Variants in CTSL observed in about 807,000 individuals in gnomAD.
The protein encoded by CTSL is cathepsin L, also known as procathepsin L.
A neutral mutation model predicts 34.7 loss-of-function variants in CTSL; 23 were observed. That is an observed-to-expected ratio of 0.66 (90% confidence interval 0.48 to 0.94). The LOEUF (loss-of-function observed/expected upper bound fraction) is 0.94. CTSL is among the 40% of genes least tolerant of loss of function. CTSL has a pLI of 0.00. For synonymous variants in CTSL, 129 were observed against 136.7 expected (o/e 0.94, Z 0.39); for missense variants, 361 against 406.3 (o/e 0.89, Z 0.96).
chr9:87,730,273 G>C (rs1826206973), intron 6 of CTSL, 108 bp from the exon 7 acceptor site: 1 of 631,650 alleles, frequency 1.6e-6, no homozygotes, highest in Non-Finnish European at 2.7e-6. Flanking sequence ...TGGAATGTGT[G>C]TCACTTCACT....
Position 87,727,977 on chromosome 9 carries a change from G to T in CTSL, c.127-50G>T, listed in dbSNP as rs368165086. The stretch of plus-strand genomic sequence containing the variant: ...CTGCAGATTCACTTGGTGAGGATGA[G>T]TTGGGTTTTAGGTAGAAGTAAAGAG... On this transcript the variant is annotated intron_variant, in intron 2 of 7. Coordinates refer to ENST00000343150, the MANE Select transcript of CTSL (RefSeq NM_001912.5). The T allele has an allele frequency of 2.5e-6, 4 of 1,607,938 alleles. No homozygotes were observed. The African/African-American group carries it at 5.3e-5, about 21-fold the overall frequency.
At position 87,729,558 on chromosome 9, in the gene CTSL, C is replaced by T; in HGVS notation, c.622-15C>T. On this transcript the variant is annotated splice_polypyrimidine_tract_variant and intron_variant, in intron 5 of 7. Coordinates refer to ENST00000343150, the MANE Select transcript of CTSL (RefSeq NM_001912.5). Reference sequence around the variant, plus strand: ...AGCAGTAATCAAGTCTTTTTTTTCCCTTTACCTTTGAAAGGAAGAATCCTG... The same window carrying T: ...AGCAGTAATCAAGTCTTTTTTTTCCTTTTACCTTTGAAAGGAAGAATCCTG... 1.9e-6 allele frequency: 3 copies of T among 1,606,926 alleles called. No homozygotes were observed. The highest frequency in any genetic ancestry group is 2.2e-5 in the East Asian group (1 of 44,762).
intron 5 of CTSL, 182 bp downstream of exon 5, chr9:87,728,991 G>A (rs1365401243): frequency 1.4e-6 from 2 of 1,418,778 alleles, no homozygotes; most frequent in African/African-American, 2.9e-5. Flanking sequence ...TTTGAGACCA[G>A]CCTGGGCAAC....
chr9:87,729,668 T>A lies in CTSL; in HGVS notation c.717T>A (p.Val239=), dbSNP rs1462391589. 6.2e-7 allele frequency: 1 copy of A among 1,614,160 alleles called. No individual in the cohort carries two copies. Among genetic ancestry groups the A allele is most frequent in the Non-Finnish European group, 8.5e-7 (1 of 1,180,016 alleles). Residue 239 remains valine, a synonymous_variant, in exon 6 of 8, where the codon GTT becomes GTA. Transcript: ENST00000343150. ...AGGAGAAGGCCCTGATGAAGGCAGT[T>A]GCAACTGTGGGGCCCATTTCTGTTG... ...PKQEKALMKA[V]ATVGPISVAI... is the part of the protein sequence containing the mutation.
At chr9:87,729,969 T>G (rs534970679) in intron 6 of CTSL, among the ~76,000 whole-genome samples, 1 of 152,354 alleles carries the variant, frequency 6.6e-6, no homozygotes, top group East Asian at 1.9e-4. Context: ...CTATATTTAC[T>G]GTGTAGTTTA....
At chr9:87,729,004 G>A in intron 5 of CTSL, 195 bp downstream of exon 5, 1 of 1,386,578 alleles carries the variant, frequency 7.2e-7, no homozygotes, top group Non-Finnish European at 9.5e-7. Context: ...TGGGCAACAA[G>A]GTGAAACCTT....
In CTSL at chr9:87,726,173, T is replaced by G. The variant is rs1825981353; in HGVS notation, c.-236T>G. The G allele has an allele frequency of 6.6e-6, 1 of 152,328 alleles. No individual in the cohort carries two copies. Among genetic ancestry groups the G allele is most frequent in the African/African-American group, 2.4e-5 (1 of 41,450 alleles). The allele number at this position is 152,328 out of a possible 1,614,324, so 9.4% of individuals were successfully genotyped here. A position where few individuals can be genotyped will look rare whatever the true frequency, so the allele number is the denominator to read the frequency against. ...CATCCGTGGAGTGCGCCTGCGCAGCTACGACCGCAGCAGGAAAGCGCCGCC... is the reference window on the plus strand; with the variant it reads ...CATCCGTGGAGTGCGCCTGCGCAGCGACGACCGCAGCAGGAAAGCGCCGCC... On this transcript the variant is annotated 5_prime_UTR_variant, in exon 1 of 8. Coordinates refer to ENST00000343150, the MANE Select transcript of CTSL (RefSeq NM_001912.5).
rs779705628 is a variant in CTSL at position 87,731,119 on chromosome 9, G to A, written c.*12G>A. 1 of 1,609,288 alleles carries A rather than the reference G, an allele frequency of 6.2e-7. No homozygotes were observed. Among genetic ancestry groups the A allele is most frequent in the Non-Finnish European group, 8.5e-7 (1 of 1,175,990 alleles). ...ACCCCACTGTGTGAGCTGGTGGACG[G>A]TGATGAGGAAGGACTTGACTGGGGA... On this transcript the variant is annotated 3_prime_UTR_variant, in exon 8 of 8. Transcript: ENST00000343150.
At chr9:87,727,964 T>G in intron 2 of CTSL, 63 bp from the exon 3 acceptor site, 1 of 1,603,158 alleles carries the variant, frequency 6.2e-7, no homozygotes, top group Non-Finnish European at 8.5e-7. Context: ...GCAGATTCAC[T>G]TGGTGAGGAT....
In CTSL at chr9:87,727,636, C is replaced by T. The variant is rs776459583; in HGVS notation, c.33C>T (p.Cys11=). 1 of 1,614,052 alleles carries T rather than the reference C, an allele frequency of 6.2e-7. No homozygotes were observed. Among genetic ancestry groups the T allele is most frequent in the East Asian group, 2.2e-5 (1 of 44,872 alleles). MNPTLILAAF[C]LGIASATLTF... is the part of the protein sequence containing the mutation. ...CTACACTCATCCTTGCTGCCTTTTG[C>T]CTGGGAATTGCCTCAGCTACTCTAA... is the stretch of plus-strand genomic sequence containing the variant. The change falls in exon 2 of 8, where the codon TGC becomes TGT. Residue 11 remains cysteine (C), a synonymous_variant. Transcript: ENST00000343150.
Position 87,731,035 on chromosome 9 carries a change from C to T in CTSL, c.930C>T (p.Gly310=), listed in dbSNP as rs528634218. The T allele has an allele frequency of 4.2e-5, 67 of 1,613,944 alleles. No individual in the cohort carries two copies. The South Asian group carries it at 7.0e-4, about 17-fold the overall frequency. Residue 310 remains glycine, a synonymous_variant, in exon 8 of 8, where the codon GGC becomes GGT. Transcript: ENST00000343150. ...GGGGTGAAGAATGGGGCATGGGTGG[C>T]TACGTAAAGATGGCCAAAGACCGGA... is the stretch of plus-strand genomic sequence containing the variant. ...NSWGEEWGMG[G]YVKMAKDRRN... is the part of the protein sequence containing the mutation.
In CTSL at chr9:87,729,582, T is replaced by C. The variant is rs1397132902; in HGVS notation, c.631T>C (p.Cys211Arg). The change falls in exon 6 of 8, where the codon TGT becomes CGT. Residue 211 changes from cysteine (C) to arginine (R), a missense_variant. Transcript: ENST00000343150. ...CCTTTACCTTTGAAAGGAAGAATCC[T>C]GTAAGTACAATCCCAAGTATTCTGT... The part of the protein sequence containing the change: ...SYPYEATEES[C>R]KYNPKYSVAN... 6.2e-7 allele frequency: 1 copy of C among 1,613,704 alleles called. No homozygotes were observed. Among genetic ancestry groups the C allele is most frequent in the Admixed American group, 1.7e-5 (1 of 59,914 alleles).
chr9:87,728,935 C>G, intron 5 of CTSL, 126 bp downstream of exon 5: 1 of 1,507,926 alleles, frequency 6.6e-7, no homozygotes, highest in Non-Finnish European at 8.9e-7. Context: ...CCTGTAATCC[C>G]AGCCCTTTAG....
chr9:87,729,128 A>G (rs1055297943), intron 5 of CTSL: 2 of 555,118 alleles, frequency 3.6e-6, no homozygotes, highest in African/African-American at 1.9e-5. Flanking sequence ...GTGCAAATGC[A>G]CTCTCCAGTC....
intron 3 of CTSL, 39 bp from the exon 4 acceptor site, chr9:87,728,211 T>A: frequency 6.2e-7 from 1 of 1,614,112 alleles, no homozygotes; most frequent in East Asian, 2.2e-5. Context: ...ACTAAGGTAA[T>A]CTCTTGCTTT....
chr9:87,731,362 A>T lies in CTSL; in HGVS notation c.*255A>T, dbSNP rs1826255104. On this transcript the variant is annotated 3_prime_UTR_variant, in exon 8 of 8. Coordinates refer to ENST00000343150, the MANE Select transcript of CTSL (RefSeq NM_001912.5). The stretch of plus-strand genomic sequence containing the variant: ...TTTTTAAAAGGATGTATAAATTTTT[A>T]CCTGTTTAAATAAAATTTAATTTCA... 1 of 301,790 alleles carries T rather than the reference A, an allele frequency of 3.3e-6. No homozygotes were observed. The highest frequency in any genetic ancestry group is 2.1e-5 in the African/African-American group (1 of 46,594). The allele number at this position is 301,790 out of a possible 1,614,324, so 18.7% of individuals were successfully genotyped here.
intron 1 of CTSL, among the ~76,000 whole-genome samples, chr9:87,726,953 G>T (rs1003306961): frequency 6.6e-6 from 1 of 151,972 alleles, no homozygotes; most frequent in African/African-American, 2.4e-5. Context: ...GAGGAAGAAT[G>T]GCTTGAACCC....
At position 87,728,021 on chromosome 9, in the gene CTSL, C is replaced by T. The variant is rs1346503722; in HGVS notation, c.127-6C>T. 2 of 1,613,186 alleles carry T rather than the reference C, an allele frequency of 1.2e-6. No individual in the cohort carries two copies. Among genetic ancestry groups the T allele is most frequent in the Admixed American group, 3.3e-5 (2 of 59,990 alleles). On this transcript the variant is annotated splice_region_variant and splice_polypyrimidine_tract_variant and intron_variant, in intron 2 of 7. Transcript: ENST00000343150. ...TAAAGAGCATCAGTTACATGTTTGC[C>T]TCTAGAATGAAGAAGGATGGAGGAG...
In CTSL at chr9:87,728,330, GT is replaced by G; in HGVS notation, c.334del (p.Tyr112MetfsTer15). On this transcript the variant is annotated frameshift_variant, in exon 4 of 8. Transcript: ENST00000343150. LOFTEE classifies it high-confidence loss of function. Reference protein sequence around the residue: ...RKGKVFQEPLFYEAPRSVDWR... With the variant: ...RKGKVFQEPLXYEAPRSVDWR... ...AGGGGAAAGTGTTCCAGGAACCTCT[GT>G]TTTATGAGGCCCCCAGATCTGTGGA... The G allele has an allele frequency of 1.9e-6, 3 of 1,614,156 alleles. No homozygotes were observed. The highest frequency in any genetic ancestry group is 2.5e-6 in the Non-Finnish European group (3 of 1,180,012).
Sources: gnomAD v4.1 joint callset for allele counts (sites outside exome capture counted in the v4.1 genomes callset) on GRCh38, gnomAD v4.1.1 for gene constraint, MANE v1.5 for transcripts, NCBI Gene and HGNC (gene_info 2026-07-23, HGNC 2026-07-21) for gene names.